The following SLC35F4 variants were observed in gnomAD, a reference collection of about 807,000 sequenced individuals.
SLC35F4 encodes chromosome 14 open reading frame 36.
Under a neutral mutation model 44.2 loss-of-function variants are expected in SLC35F4, and 24 were observed. The observed-to-expected ratio is 0.54, with a 90% CI of 0.39 to 0.76. The LOEUF is 0.76. SLC35F4 is among the 30% of genes least tolerant of loss of function. The pLI, the probability that SLC35F4 is intolerant of heterozygous loss-of-function variation, is 0.00. For missense variants in SLC35F4, 562 were observed against 586.1 expected (o/e 0.96, Z 0.42); for synonymous variants, 238 against 223.6 (o/e 1.06, Z -0.57).
At chr14:57,680,297 GA>G (rs1234126444) in intron 1 of SLC35F4, among the ~76,000 whole-genome samples, 7 of 152,068 alleles carry the variant, frequency 4.6e-5, no homozygotes, top group Non-Finnish European at 1.0e-4. Flanking sequence ...AACAGATGTA[GA>G]AAAGGCTTTT....
intron 1 of SLC35F4, among the ~76,000 whole-genome samples, chr14:57,954,130 A>G (rs1251940351): frequency 6.6e-6 from 1 of 152,214 alleles, no homozygotes; most frequent in African/African-American, 2.4e-5. Context: ...AACTCACTCA[A>G]AACCACACAA....
intron 7 of SLC35F4, among the ~76,000 whole-genome samples, 178 bp from the exon 8 acceptor site, chr14:57,564,554 C>T (rs2068111282): frequency 6.6e-6 from 1 of 152,184 alleles, no homozygotes; most frequent in Non-Finnish European, 1.5e-5. Context: ...CTAAGTCATG[C>T]TTATCCTTCA....
At chr14:57,831,649 A>G (rs62004976) in intron 1 of SLC35F4, among the ~76,000 whole-genome samples, 4,342 of 152,318 alleles carry the variant, frequency 0.029, 119 homozygotes, top group African/African-American at 0.075. Context: ...AAGAGGGAAT[A>G]TTACCATGTA....
intron 1 of SLC35F4, among the ~76,000 whole-genome samples, chr14:57,768,759 T>TTTC (rs2017113834): frequency 6.6e-6 from 1 of 152,144 alleles, no homozygotes; most frequent in African/African-American, 2.4e-5. Flanking sequence ...GTTTTTTTTT[T>TTTC]TTCTTCTTTC....
intron 1 of SLC35F4, among the ~76,000 whole-genome samples, chr14:57,647,239 A>G (rs573799819): frequency 6.6e-6 from 1 of 151,064 alleles, no homozygotes; most frequent in Admixed American, 6.6e-5. Context: ...GTCTCCCATT[A>G]TTATTGTGTG....
intron 1 of SLC35F4, among the ~76,000 whole-genome samples, chr14:57,885,029 C>T (rs1888617622): frequency 6.6e-6 from 1 of 152,122 alleles, no homozygotes; most frequent in South Asian, 2.1e-4. Context: ...CTTTTTATTA[C>T]TTTGCAACTT....
intron 1 of SLC35F4, among the ~76,000 whole-genome samples, chr14:57,937,575 AGAAAAGAAAAG>A (rs1889823736): frequency 2.3e-5 from 3 of 128,764 alleles, no homozygotes; most frequent in Admixed American, 8.8e-5. Context: ...AAAAGAAAAG[AGAAAAGAAAAG>A]AAAGAAAAGA....
At chr14:57,599,205 A>G (rs756920770) in intron 1 of SLC35F4, among the ~76,000 whole-genome samples, 1 of 152,322 alleles carries the variant, frequency 6.6e-6, no homozygotes, top group Non-Finnish European at 1.5e-5. Context: ...ACTTATATGG[A>G]TAGGGTTCCA....
intron 1 of SLC35F4, among the ~76,000 whole-genome samples, chr14:57,649,873 G>A (rs2073711736): frequency 1.3e-5 from 2 of 152,116 alleles, no homozygotes; most frequent in African/African-American, 4.8e-5. Flanking sequence ...TTTTTCTGGG[G>A]CAGGTGGGTG....
chr14:57,794,139 A>T (rs989071633), intron 1 of SLC35F4, among the ~76,000 whole-genome samples: 5 of 152,190 alleles, frequency 3.3e-5, no homozygotes, highest in Non-Finnish European at 5.9e-5. Context: ...TCTTCTGGAC[A>T]TTGGCATAGG....
At chr14:57,707,481 T>C (rs937502041) in intron 1 of SLC35F4, among the ~76,000 whole-genome samples, 1 of 152,134 alleles carries the variant, frequency 6.6e-6, no homozygotes, top group African/African-American at 2.4e-5. Flanking sequence ...GTACCTTACT[T>C]CCCCTTCACG....
At chr14:57,970,316 C>A (rs755978276) in intron 1 of SLC35F4, among the ~76,000 whole-genome samples, 1 of 151,978 alleles carries the variant, frequency 6.6e-6, no homozygotes, top group African/African-American at 2.4e-5. Context: ...ATACTTTCAC[C>A]TTTTTAAAAT....
At chr14:57,740,283 C>T (rs1243363405) in intron 1 of SLC35F4, among the ~76,000 whole-genome samples, 1 of 152,104 alleles carries the variant, frequency 6.6e-6, no homozygotes, top group Admixed American at 6.5e-5. Flanking sequence ...GATAATTTGT[C>T]ATATACTTCA....
At chr14:57,950,293 C>T (rs1452291752) in intron 1 of SLC35F4, among the ~76,000 whole-genome samples, 3 of 151,608 alleles carry the variant, frequency 2.0e-5, no homozygotes, top group Non-Finnish European at 1.5e-5. Context: ...CTCTGAAGTT[C>T]TTTCTTCTAC....
chr14:57,852,042 C>A (rs566276316), intron 1 of SLC35F4, among the ~76,000 whole-genome samples: 3 of 152,182 alleles, frequency 2.0e-5, no homozygotes, highest in Non-Finnish European at 4.4e-5. Context: ...GCTGGTCATA[C>A]GGTGCTGAAC....
At chr14:57,724,888 G>A (rs1272726019) in intron 1 of SLC35F4, among the ~76,000 whole-genome samples, 1 of 152,202 alleles carries the variant, frequency 6.6e-6, no homozygotes, top group South Asian at 2.1e-4. Context: ...CACTTTTCAT[G>A]GAAGGAGAAA....
intron 1 of SLC35F4, among the ~76,000 whole-genome samples, chr14:57,807,758 G>T (rs772397931): frequency 1.3e-5 from 2 of 151,610 alleles, no homozygotes; most frequent in Non-Finnish European, 2.9e-5. Flanking sequence ...CTATTAAAAG[G>T]CTCATTTATT....
At chr14:57,667,031 G>A (rs1295478401) in intron 1 of SLC35F4, among the ~76,000 whole-genome samples, 1 of 151,332 alleles carries the variant, frequency 6.6e-6, no homozygotes, top group East Asian at 1.9e-4. Context: ...AAAGGCATCA[G>A]GTACATGTGA....
rs374792076 is a variant in SLC35F4 at position 57,654,341 on chromosome 14, T to C, written c.104-60217A>G. ...CTGACTTATAAGTGAGAATATGCAA[T>C]ATTTGGTTTTCCACCCCTGAGTTAC... On this transcript the variant is annotated intron_variant, in intron 1 of 7. Transcript: ENST00000556826. Among the ~76,000 whole-genome samples, 3 of 152,288 alleles carry C rather than the reference T, an allele frequency of 2.0e-5. No homozygotes were observed. In the East Asian group the frequency reaches 5.8e-4, roughly 29 times the overall value.
Sources: gnomAD v4.1 joint callset for allele counts (sites outside exome capture counted in the v4.1 genomes callset) on GRCh38, gnomAD v4.1.1 for gene constraint, MANE v1.5 for transcripts, NCBI Gene and HGNC (gene_info 2026-07-23, HGNC 2026-07-21) for gene names.